ELFN1: variants seen among roughly 807,000 people sequenced by gnomAD.
ELFN1 encodes the protein extracellular leucine rich repeat and fibronectin type III domain containing 1.
In ELFN1, 6 loss-of-function variants were observed where a neutral mutation model predicts 7.6. The observed-to-expected ratio is 0.79, with a 90% CI of 0.43 to 1.56. The LOEUF (loss-of-function observed/expected upper bound fraction) is 1.56, where lower values mean the gene tolerates loss of function less well. Among genes scored for constraint, ELFN1 ranks in the 40% most tolerant of loss-of-function variants. The pLI is 0.01. For synonymous variants in ELFN1, 657 were observed against 588.1 expected, an observed-to-expected ratio of 1.12 and a Z score of -1.70; for missense variants, 1,169 against 1,232.2, an observed-to-expected ratio of 0.95 and a Z score of 0.77.
intron 1 of ELFN1, among the ~76,000 whole-genome samples, chr7:1,681,395 C>T (rs1778973098): frequency 2.6e-5 from 4 of 152,160 alleles, no homozygotes; most frequent in Admixed American, 2.0e-4. Context: ...TGGAGTCTCA[C>T]TCTGTCACCC....
At chr7:1,737,436 G>C (rs1254650317) in intron 3 of ELFN1, among the ~76,000 whole-genome samples, 1 of 152,196 alleles carries the variant, frequency 6.6e-6, no homozygotes, top group East Asian at 1.9e-4. Flanking sequence ...AATCCCAGCA[G>C]ATTCCAGCTG....
intron 1 of ELFN1, among the ~76,000 whole-genome samples, chr7:1,672,049 C>T (rs1778778061): frequency 6.6e-6 from 1 of 152,200 alleles, no homozygotes; most frequent in Non-Finnish European, 1.5e-5. Flanking sequence ...AGCTGTGCAG[C>T]CCCCTCCTCC....
rs897444853 is a variant in ELFN1 at position 1,693,591 on chromosome 7, G to T, written c.-456+5441G>T. On this transcript the variant is annotated intron_variant, in intron 2 of 3. Transcript: ENST00000424383. ...CTGGGTGTGTGCACATCTGCAGAGG[G>T]GTCGGTGTACACCGCTGTGTGAACA... 5 of 471,218 alleles carry T rather than the reference G, an allele frequency of 1.1e-5. No homozygotes were observed. The East Asian group carries it at 3.5e-4, about 33-fold the overall frequency. 29.2% of individuals were successfully genotyped at this position (471,218 alleles called of 1,614,324 possible). A position where few individuals can be genotyped will look rare whatever the true frequency, so the allele number is the denominator to read the frequency against.
rs759338471 is a variant in ELFN1 at position 1,695,082 on chromosome 7, G to A, written c.-456+6932G>A. Among the ~76,000 whole-genome samples the A allele has an allele frequency of 2.0e-5, 3 of 152,048 alleles. No individual in the cohort carries two copies. The highest frequency in any genetic ancestry group is 2.9e-5 in the Non-Finnish European group (2 of 68,032). On this transcript the variant is annotated intron_variant, in intron 2 of 3. Coordinates refer to ENST00000424383, the MANE Select transcript of ELFN1 (RefSeq NM_001128636.4). The surrounding 1 kb of genome is among the most constrained non-coding windows in gnomAD (Gnocchi z 5.1). Reference sequence around the variant, plus strand: ...TTTGAGTTACGCTGCAGACGGCTCCGGATGCACGTGGCTGTGCCAGGCAGC... The same window carrying A: ...TTTGAGTTACGCTGCAGACGGCTCCAGATGCACGTGGCTGTGCCAGGCAGC...
chr7:1,729,246 C>T (rs1213892134), intron 3 of ELFN1, among the ~76,000 whole-genome samples: 2 of 152,234 alleles, frequency 1.3e-5, no homozygotes, highest in Admixed American at 1.3e-4. Context: ...CACCCACTCC[C>T]TCTTACTTGA....
Position 1,735,961 on chromosome 7 carries a change from G to A in ELFN1, c.-293-8343G>A, listed in dbSNP as rs1399515979. On this transcript the variant is annotated intron_variant, in intron 3 of 3. Transcript: ENST00000424383. This position sits in a 1 kb window ranked among gnomAD's most constrained non-coding sequence, Gnocchi z 5.9. ...ACATGCCCAAGGTCACACAGCAGGCGCACGGCAGAGCCAACACCATCTCCT... is the reference window on the plus strand; with the variant it reads ...ACATGCCCAAGGTCACACAGCAGGCACACGGCAGAGCCAACACCATCTCCT... 6.6e-6 allele frequency among the ~76,000 whole-genome samples: 1 copy of A among 152,136 alleles called. No homozygotes were observed. The highest frequency in any genetic ancestry group is 1.5e-5 in the Non-Finnish European group (1 of 68,008).
At chr7:1,714,598 G>A (rs1256571766) in intron 3 of ELFN1, among the ~76,000 whole-genome samples, 1 of 152,232 alleles carries the variant, frequency 6.6e-6, no homozygotes, top group African/African-American at 2.4e-5. Flanking sequence ...GTTGGATGCT[G>A]TAGCCCCGGG....
At chr7:1,708,016 C>T (rs1023808980) in intron 2 of ELFN1, among the ~76,000 whole-genome samples, 11 of 152,310 alleles carry the variant, frequency 7.2e-5, no homozygotes, top group East Asian at 1.9e-4. Flanking sequence ...ACCAACCCCC[C>T]GCCTCTGCAC....
rs1779665413 is a variant in ELFN1, at chr7:1,711,803, C to T, written c.-294+2551C>T. Among the ~76,000 whole-genome samples, 4 of 152,290 alleles carry T rather than the reference C, an allele frequency of 2.6e-5. No homozygotes were observed. In the South Asian group the frequency reaches 8.3e-4, roughly 32 times the overall value. On this transcript the variant is annotated intron_variant, in intron 3 of 3. Coordinates refer to ENST00000424383, the MANE Select transcript of ELFN1 (RefSeq NM_001128636.4). The stretch of plus-strand genomic sequence containing the variant: ...GAAATGTGAGGGCGTCCCCACAGAC[C>T]CTCTCTCAATGAGGCTTCCCTGGGC...
At chr7:1,687,431 C>G (rs1419858926) in intron 1 of ELFN1, among the ~76,000 whole-genome samples, 2 of 151,880 alleles carry the variant, frequency 1.3e-5, no homozygotes, top group East Asian at 3.9e-4. Context: ...ATGTAGGAAC[C>G]ATCTAGCTCA....
At position 1,742,493 on chromosome 7, in the gene ELFN1, C is replaced by T. The variant is rs1469849176; in HGVS notation, c.-293-1811C>T. Among the ~76,000 whole-genome samples the T allele has an allele frequency of 2.6e-5, 4 of 152,284 alleles. No individual in the cohort carries two copies. In the East Asian group the frequency reaches 5.8e-4, roughly 22 times the overall value. Reference sequence around the variant, plus strand: ...TGGTGGGGAGGGATGGAGGGGCTGGCGTGGGTGCGAGCTGGCAGGTGCACA... The same window carrying T: ...TGGTGGGGAGGGATGGAGGGGCTGGTGTGGGTGCGAGCTGGCAGGTGCACA... On this transcript the variant is annotated intron_variant, in intron 3 of 3. Transcript: ENST00000424383.
chr7:1,717,049 G>C (rs1399110616), intron 3 of ELFN1, among the ~76,000 whole-genome samples: 1 of 152,178 alleles, frequency 6.6e-6, no homozygotes, highest in African/African-American at 2.4e-5. Context: ...GGAGGGAGGA[G>C]GGGGAAAGGC....
intron 3 of ELFN1, among the ~76,000 whole-genome samples, chr7:1,738,353 C>A (rs1583396385): frequency 6.6e-6 from 1 of 152,280 alleles, no homozygotes; most frequent in East Asian, 1.9e-4. Flanking sequence ...GCAGGACCCC[C>A]TGTGGGTTAG....
In ELFN1 at chr7:1,735,991, C is replaced by T. The variant is rs1025327787; in HGVS notation, c.-293-8313C>T. On this transcript the variant is annotated intron_variant, in intron 3 of 3. Transcript: ENST00000424383. This position sits in a 1 kb window ranked among gnomAD's most constrained non-coding sequence, Gnocchi z 5.9. The stretch of plus-strand genomic sequence containing the variant: ...GCAGAGCCAACACCATCTCCTGGCC[C>T]ACGATGGTTCTGTGTCCCCTGACGC... Among the ~76,000 whole-genome samples, 3 of 152,164 alleles carry T rather than the reference C, an allele frequency of 2.0e-5. No individual in the cohort carries two copies. The highest frequency in any genetic ancestry group is 4.4e-5 in the Non-Finnish European group (3 of 68,026).
chr7:1,726,906 C>T (rs1014449725), intron 3 of ELFN1, among the ~76,000 whole-genome samples: 1 of 152,218 alleles, frequency 6.6e-6, no homozygotes, highest in Non-Finnish European at 1.5e-5. Context: ...TTCTTCCCAT[C>T]ATTTGTCCTT....
In ELFN1 at chr7:1,735,196, A is replaced by C. The variant is rs889734482; in HGVS notation, c.-293-9108A>C. Among the ~76,000 whole-genome samples, 99 of 152,098 alleles carry C rather than the reference A, an allele frequency of 6.5e-4. No homozygotes were observed. The highest frequency in any genetic ancestry group is 1.2e-3 in the Non-Finnish European group (80 of 68,004). The stretch of plus-strand genomic sequence containing the variant: ...TGCGGGAGGTGCTGCACACCGGCGG[A>C]CCGTCGAGGAAACAGGAGCTTTTCT... On this transcript the variant is annotated intron_variant, in intron 3 of 3. Coordinates refer to ENST00000424383, the MANE Select transcript of ELFN1 (RefSeq NM_001128636.4). The surrounding 1 kb of genome is among the most constrained non-coding windows in gnomAD (Gnocchi z 5.9).
Position 1,682,484 on chromosome 7 carries a change from A to G in ELFN1, c.-548-5574A>G, listed in dbSNP as rs958858336. On this transcript the variant is annotated intron_variant, in intron 1 of 3. Coordinates refer to ENST00000424383, the MANE Select transcript of ELFN1 (RefSeq NM_001128636.4). The stretch of plus-strand genomic sequence containing the variant: ...GAGACAGGGTCTTACTCTGTTTCCC[A>G]GGCTGGAGTGCAGCGGTATGATCAC... 2.6e-5 allele frequency among the ~76,000 whole-genome samples: 4 copies of G among 151,970 alleles called. No homozygotes were observed. In the East Asian group the frequency reaches 7.7e-4, roughly 29 times the overall value.
intron 1 of ELFN1, among the ~76,000 whole-genome samples, chr7:1,674,778 G>T (rs1337200700): frequency 1.3e-5 from 2 of 152,172 alleles, no homozygotes; most frequent in African/African-American, 4.8e-5. Context: ...TGAGGCTGGG[G>T]TATATTGGAA....
In ELFN1 at chr7:1,723,548, T is replaced by C. The variant is rs139985966; in HGVS notation, c.-294+14296T>C. Among the ~76,000 whole-genome samples, 477 of 152,342 alleles carry C rather than the reference T, an allele frequency of 3.1e-3. 9 individuals carry two copies. The highest frequency in any genetic ancestry group is 0.028 in the Admixed American group (429 of 15,308). On this transcript the variant is annotated intron_variant, in intron 3 of 3. Coordinates refer to ENST00000424383, the MANE Select transcript of ELFN1 (RefSeq NM_001128636.4). ...CCATCGGGCCCACGCCTCACAAGGT[T>C]CTGGTCCACTCTCTCATGGACATCT...
Sources: allele counts gnomAD v4.1 joint callset (sites outside exome capture counted in the v4.1 genomes callset), GRCh38; gene constraint gnomAD v4.1.1; non-coding constraint Gnocchi (gnomAD v3.1); transcripts MANE v1.5; gene names NCBI Gene and HGNC (gene_info 2026-07-23, HGNC 2026-07-21).